SPIDR: variants seen among roughly 807,000 people sequenced by gnomAD.
SPIDR encodes DNA repair-scaffolding protein.
SPIDR carries 93 observed loss-of-function variants against 104.6 expected under a neutral mutation model. The ratio of observed to expected loss-of-function variants is 0.89; its 90% CI spans 0.75 to 1.06. SPIDR has a LOEUF of 1.06. SPIDR is among the 50% of genes least tolerant of loss of function. SPIDR has a pLI of 0.00. For missense variants in SPIDR, 1,154 were observed against 1,111.2 expected (o/e 1.04, Z -0.55); for synonymous variants, 431 against 416.9 (o/e 1.03, Z -0.41).
chr8:47,621,187 C>T (rs1158702991), intron 10 of SPIDR, among the ~76,000 whole-genome samples: 11 of 152,140 alleles, frequency 7.2e-5, no homozygotes, highest in African/African-American at 2.6e-4. Context: ...GATCTCCTGA[C>T]CTTGTGATCC....
intron 4 of SPIDR, 134 bp from the exon 5 acceptor site, chr8:47,293,733 C>T: frequency 1.0e-5 from 10 of 971,416 alleles, no homozygotes; most frequent in Non-Finnish European, 1.5e-5. Context: ...CAGGCATGAG[C>T]TATTGTGCCT....
At chr8:47,551,354 C>G (rs1403415151) in intron 8 of SPIDR, among the ~76,000 whole-genome samples, 2 of 152,172 alleles carry the variant, frequency 1.3e-5, no homozygotes, top group Non-Finnish European at 2.9e-5. Context: ...GGTACCAGCT[C>G]CTCTTTGTTC....
chr8:47,682,031 G>C (rs905454611), intron 11 of SPIDR, among the ~76,000 whole-genome samples: 2 of 152,004 alleles, frequency 1.3e-5, no homozygotes, highest in African/African-American at 4.8e-5. Context: ...ATGGGATATA[G>C]CACCAATAAT....
At chr8:47,549,086 C>A (rs1282882640) in intron 8 of SPIDR, among the ~76,000 whole-genome samples, 1 of 152,190 alleles carries the variant, frequency 6.6e-6, no homozygotes, top group Admixed American at 6.5e-5. Flanking sequence ...ATGTCCCTAA[C>A]AAAGGACATG....
At chr8:47,684,441 CA>C (rs1352805433) in intron 11 of SPIDR, among the ~76,000 whole-genome samples, 1 of 152,200 alleles carries the variant, frequency 6.6e-6, no homozygotes, top group Non-Finnish European at 1.5e-5. Context: ...AGCACTGATT[CA>C]CAGCTCTGGC....
intron 8 of SPIDR, among the ~76,000 whole-genome samples, chr8:47,532,873 A>T (rs1430594456): frequency 1.3e-5 from 2 of 152,256 alleles, no homozygotes; most frequent in African/African-American, 4.8e-5. Flanking sequence ...GGCAGACCAA[A>T]TTCTGGACCA....
intron 16 of SPIDR, among the ~76,000 whole-genome samples, chr8:47,714,968 C>G (rs989298262): frequency 3.9e-5 from 6 of 152,006 alleles, no homozygotes; most frequent in African/African-American, 1.4e-4. Flanking sequence ...TCAGTAATAC[C>G]CTATAATTCA....
At chr8:47,401,903 C>A (rs1485885891) in intron 6 of SPIDR, among the ~76,000 whole-genome samples, 1 of 152,202 alleles carries the variant, frequency 6.6e-6, no homozygotes, top group East Asian at 1.9e-4. Flanking sequence ...GTACACCCCA[C>A]TGTCAACATT....
chr8:47,265,848 G>A (rs1347369727), intron 1 of SPIDR, among the ~76,000 whole-genome samples: 1 of 152,124 alleles, frequency 6.6e-6, no homozygotes, highest in Non-Finnish European at 1.5e-5. Flanking sequence ...CTGCTTTCTG[G>A]TTCACAGACA....
intron 8 of SPIDR, among the ~76,000 whole-genome samples, chr8:47,467,398 C>G (rs1351712427): frequency 6.6e-6 from 1 of 151,936 alleles, no homozygotes; most frequent in East Asian, 1.9e-4. Flanking sequence ...AAACCTGGCA[C>G]AGACACAACA....
intron 8 of SPIDR, among the ~76,000 whole-genome samples, chr8:47,586,915 C>T (rs1016787297): frequency 2.6e-5 from 4 of 152,110 alleles, no homozygotes; most frequent in Non-Finnish European, 4.4e-5. Context: ...ACTACAGGCA[C>T]GTGCCAGCAC....
At chr8:47,505,578 G>A (rs189678347) in intron 8 of SPIDR, among the ~76,000 whole-genome samples, 6 of 152,326 alleles carry the variant, frequency 3.9e-5, no homozygotes, top group Admixed American at 1.3e-4. Context: ...GACCCCTTGC[G>A]CTTCCCGGGT....
intron 7 of SPIDR, among the ~76,000 whole-genome samples, chr8:47,438,930 T>C (rs2068863514): frequency 6.6e-6 from 1 of 152,222 alleles, no homozygotes; most frequent in Non-Finnish European, 1.5e-5. Context: ...ACCGTCTAAA[T>C]ATTAATTTTT....
At chr8:47,274,211 A>G (rs2035910044) in intron 1 of SPIDR, among the ~76,000 whole-genome samples, 1 of 152,186 alleles carries the variant, frequency 6.6e-6, no homozygotes, top group South Asian at 2.1e-4. Flanking sequence ...TACCTTCCCT[A>G]TTTAAAAATA....
chr8:47,405,980 G>A lies in SPIDR; in HGVS notation c.777-1881G>A, dbSNP rs924003675. ...CCAGATACTGCTGTGTGTAGAGAGC[G>A]CCTGTGCATGTTTACTGTTGCTTTT... On this transcript the variant is annotated intron_variant, in intron 6 of 19. Coordinates refer to ENST00000297423, the MANE Select transcript of SPIDR (RefSeq NM_001080394.4). Among the ~76,000 whole-genome samples the A allele has an allele frequency of 1.4e-4, 22 of 152,234 alleles. No individual in the cohort carries two copies. In the East Asian group the frequency reaches 4.1e-3, roughly 28 times the overall value.
At chr8:47,607,169 T>C (rs903570662) in intron 10 of SPIDR, among the ~76,000 whole-genome samples, 4 of 152,236 alleles carry the variant, frequency 2.6e-5, no homozygotes, top group Admixed American at 2.0e-4. Flanking sequence ...ATGATTTGAA[T>C]ATTTTTTATT....
chr8:47,529,466 T>A (rs534113706), intron 8 of SPIDR, among the ~76,000 whole-genome samples: 1 of 151,842 alleles, frequency 6.6e-6, no homozygotes, highest in African/African-American at 2.4e-5. Context: ...AAGTAAAAAA[T>A]TCACCAAGTT....
chr8:47,260,908 T>A, upstream of SPIDR: 1 of 1,210,644 alleles, frequency 8.3e-7, no homozygotes, highest in Non-Finnish European at 1.0e-6. Flanking sequence ...CGCGCCGAGG[T>A]GGGACGGCGG....
intron 5 of SPIDR, among the ~76,000 whole-genome samples, chr8:47,372,127 T>C (rs1466855533): frequency 6.6e-6 from 1 of 152,176 alleles, no homozygotes; most frequent in African/African-American, 2.4e-5. Flanking sequence ...ATGTCCCTGA[T>C]CTATTACAGC....
Sources: gnomAD v4.1 joint callset for allele counts (sites outside exome capture counted in the v4.1 genomes callset) on GRCh38, gnomAD v4.1.1 for gene constraint, MANE v1.5 for transcripts, NCBI Gene and HGNC (gene_info 2026-07-23, HGNC 2026-07-21) for gene names.